Variants in STXBP5L observed in about 807,000 individuals in gnomAD.
STXBP5L encodes the protein syntaxin binding protein 5L, also known as syntaxin-binding protein 5-like.
STXBP5L carries 65 observed loss-of-function variants against 144.5 expected under a neutral mutation model. The ratio of observed to expected loss-of-function variants is 0.45; its 90% confidence interval spans 0.37 to 0.55. The LOEUF (loss-of-function observed/expected upper bound fraction) is 0.55. Ranked by LOEUF, STXBP5L falls within the 20% of genes least tolerant of loss-of-function variation. STXBP5L has a pLI of 0.00. For synonymous variants in STXBP5L, 505 were observed against 469.6 expected, an observed-to-expected ratio of 1.08 and a Z score of -0.97; for missense variants, 1,298 against 1,405.5, an observed-to-expected ratio of 0.92 and a Z score of 1.22.
chr3:121,126,810 T>G (rs1259700434), intron 7 of STXBP5L, among the ~76,000 whole-genome samples: 1 of 152,166 alleles, frequency 6.6e-6, no homozygotes, highest in Non-Finnish European at 1.5e-5. Flanking sequence ...TTGCATTCCT[T>G]TTTAGTAATT....
Position 121,206,089 on chromosome 3 carries a change from T to C in STXBP5L, c.956+88T>C, listed in dbSNP as rs2048325717. ...TTAATGTTAAGATATTGTTTAAAGT[T>C]TTACAAAATTGTAAAGACAACTGAA... On this transcript the variant is annotated intron_variant, in intron 10 of 26. Coordinates refer to ENST00000471454, the MANE Select transcript of STXBP5L (RefSeq NM_001308330.2). 12 of 741,640 alleles carry C rather than the reference T, an allele frequency of 1.6e-5. No homozygotes were observed. The East Asian group carries it at 3.7e-4, about 23-fold the overall frequency. The allele number at this position is 741,640 out of a possible 1,614,324, so 45.9% of individuals were successfully genotyped here. A position where few individuals can be genotyped will look rare whatever the true frequency, so the allele number is the denominator to read the frequency against.
chr3:121,234,655 T>C (rs567748202), intron 12 of STXBP5L, among the ~76,000 whole-genome samples: 2 of 152,044 alleles, frequency 1.3e-5, no homozygotes, highest in Admixed American at 1.3e-4. Flanking sequence ...TGTTTGTAAA[T>C]GTAAGATCCA....
At chr3:121,326,701 T>G (rs2044160487) in intron 20 of STXBP5L, among the ~76,000 whole-genome samples, 1 of 152,020 alleles carries the variant, frequency 6.6e-6, no homozygotes, top group African/African-American at 2.4e-5. Flanking sequence ...CAGTTATAAC[T>G]TTAGCAGGTT....
chr3:121,095,595 G>A (rs948597773), intron 5 of STXBP5L, among the ~76,000 whole-genome samples: 10 of 152,122 alleles, frequency 6.6e-5, no homozygotes, highest in African/African-American at 2.2e-4. Flanking sequence ...TGAAGCTTGT[G>A]CATTCATCAT....
chr3:121,175,236 C>T (rs1174605059), intron 9 of STXBP5L, among the ~76,000 whole-genome samples: 1 of 152,042 alleles, frequency 6.6e-6, no homozygotes, highest in East Asian at 1.9e-4. Flanking sequence ...ATAGCCCATG[C>T]CCTAAATACC....
At chr3:120,976,005 CT>C (rs917981562) in intron 3 of STXBP5L, among the ~76,000 whole-genome samples, 101 of 151,852 alleles carry the variant, frequency 6.7e-4, no homozygotes, top group Middle Eastern at 3.4e-3. Flanking sequence ...CTAAAATTCT[CT>C]TTTTTTTGTT....
At chr3:121,063,299 C>G (rs1210276242) in intron 5 of STXBP5L, among the ~76,000 whole-genome samples, 1 of 152,202 alleles carries the variant, frequency 6.6e-6, no homozygotes, top group African/African-American at 2.4e-5. Flanking sequence ...CTACTGCAGA[C>G]TGTTTGCTTG....
intron 5 of STXBP5L, among the ~76,000 whole-genome samples, chr3:121,094,812 A>G (rs915721018): frequency 1.3e-5 from 2 of 151,916 alleles, no homozygotes; most frequent in African/African-American, 4.8e-5. Flanking sequence ...TGAACCTTTC[A>G]TTATGATGTT....
chr3:121,052,320 G>A (rs1458334602), intron 5 of STXBP5L, among the ~76,000 whole-genome samples: 8 of 152,098 alleles, frequency 5.3e-5, no homozygotes, highest in Non-Finnish European at 1.2e-4. Context: ...CAATATCCCT[G>A]ATGAACATCG....
intron 5 of STXBP5L, among the ~76,000 whole-genome samples, chr3:121,081,028 C>T (rs2042226724): frequency 1.3e-5 from 2 of 152,046 alleles, no homozygotes; most frequent in Non-Finnish European, 2.9e-5. Flanking sequence ...AACATAATCT[C>T]ATATTTCTTG....
At chr3:121,186,281 A>C (rs1016000807) in intron 9 of STXBP5L, among the ~76,000 whole-genome samples, 14 of 152,150 alleles carry the variant, frequency 9.2e-5, no homozygotes, top group Non-Finnish European at 1.5e-4. Context: ...TAATGAATAC[A>C]CTTTATTTCC....
At chr3:120,915,446 G>C (rs1221350112) in intron 2 of STXBP5L, among the ~76,000 whole-genome samples, 1 of 152,066 alleles carries the variant, frequency 6.6e-6, no homozygotes, top group East Asian at 1.9e-4. Context: ...TCCATTAAAA[G>C]TATCAAGTAG....
At chr3:121,125,064 C>G (rs968034028) in intron 7 of STXBP5L, among the ~76,000 whole-genome samples, 1 of 152,094 alleles carries the variant, frequency 6.6e-6, no homozygotes, top group Non-Finnish European at 1.5e-5. Context: ...TAACTTTAAA[C>G]ATATTTGTAT....
intron 20 of STXBP5L, among the ~76,000 whole-genome samples, chr3:121,334,469 C>T (rs2044434302): frequency 6.6e-6 from 1 of 151,746 alleles, no homozygotes; most frequent in African/African-American, 2.4e-5. Flanking sequence ...GGGACAATAG[C>T]CTTGATGGTC....
intron 16 of STXBP5L, among the ~76,000 whole-genome samples, chr3:121,256,440 A>AT (rs1239696226): frequency 6.6e-6 from 1 of 152,064 alleles, no homozygotes; most frequent in African/African-American, 2.4e-5. Context: ...TTATGCATTC[A>AT]TAAAGTATTT....
intron 25 of STXBP5L, among the ~76,000 whole-genome samples, chr3:121,416,633 A>G (rs2108755679): frequency 6.6e-6 from 1 of 151,172 alleles, no homozygotes; most frequent in Middle Eastern, 3.4e-3. Context: ...TCAGCCTCCC[A>G]AGTAGCTGGG....
chr3:121,081,875 A>G (rs1452642384), intron 5 of STXBP5L, among the ~76,000 whole-genome samples: 1 of 152,236 alleles, frequency 6.6e-6, no homozygotes, highest in Middle Eastern at 3.2e-3. Flanking sequence ...CAGGAAAGCT[A>G]TCAGCCTCAC....
chr3:121,340,360 T>C (rs971989896), intron 20 of STXBP5L, among the ~76,000 whole-genome samples: 8 of 152,156 alleles, frequency 5.3e-5, no homozygotes, highest in African/African-American at 1.7e-4. Flanking sequence ...CTTTAAGTTC[T>C]AGGGTACATG....
At chr3:121,095,769 G>T (rs562177951) in intron 5 of STXBP5L, among the ~76,000 whole-genome samples, 1 of 149,226 alleles carries the variant, frequency 6.7e-6, no homozygotes, top group Admixed American at 6.6e-5. Context: ...ATCGTCTGAA[G>T]CCTTCTTCTC....
Sources: allele counts gnomAD v4.1 joint callset (sites outside exome capture counted in the v4.1 genomes callset), GRCh38; gene constraint gnomAD v4.1.1; transcripts MANE v1.5; gene names NCBI Gene and HGNC (gene_info 2026-07-23, HGNC 2026-07-21).